NBN: variants seen among roughly 807,000 people sequenced by gnomAD.
The protein encoded by NBN is nibrin.
NBN carries 88 observed loss-of-function variants against 90.8 expected under a neutral mutation model. The observed-to-expected ratio is 0.97, with a 90% CI of 0.82 to 1.16. The LOEUF (loss-of-function observed/expected upper bound fraction) is 1.16. Among genes scored for constraint, NBN ranks in the 50% most tolerant of loss-of-function variants. NBN has a pLI of 0.00. For synonymous variants in NBN, 328 were observed against 295.1 expected, an observed-to-expected ratio of 1.11 and a Z score of -1.14; for missense variants, 894 against 869.6, an observed-to-expected ratio of 1.03 and a Z score of -0.35.
At chr8:89,981,883 G>A (rs534107420) in intron 2 of NBN, 1 of 721,268 alleles carries the variant, frequency 1.4e-6, no homozygotes, top group East Asian at 5.3e-5. Flanking sequence ...TTGTTTTACA[G>A]TATCAAAACC....
chr8:89,958,115 T>C (rs1408246937), intron 9 of NBN, among the ~76,000 whole-genome samples: 1 of 152,132 alleles, frequency 6.6e-6, no homozygotes, highest in Non-Finnish European at 1.5e-5. Context: ...ATAGGGTTTG[T>C]GCTCCTATGA....
intron 8 of NBN, 148 bp downstream of exon 8, chr8:89,964,262 T>C (rs1811134078): frequency 4.6e-6 from 4 of 866,152 alleles, no homozygotes; most frequent in Non-Finnish European, 7.2e-6. Flanking sequence ...CAAATATTTA[T>C]GGAATGAATA....
intron 5 of NBN, among the ~76,000 whole-genome samples, chr8:89,977,502 CT>C (rs1199023090): frequency 6.6e-6 from 1 of 152,110 alleles, no homozygotes; most frequent in African/African-American, 2.4e-5. Flanking sequence ...GGTTCCAAGT[CT>C]TTGCTGTTGT....
At chr8:89,984,165 A>C (rs1586115049) in intron 1 of NBN, 1 of 421,874 alleles carries the variant, frequency 2.4e-6, no homozygotes, top group Non-Finnish European at 4.4e-6. Flanking sequence ...GCCCATGCTA[A>C]CTTCCTGCCG....
chr8:89,936,806 A>G (rs1214984561), intron 15 of NBN, among the ~76,000 whole-genome samples: 2 of 152,208 alleles, frequency 1.3e-5, no homozygotes, highest in African/African-American at 4.8e-5. Context: ...GAATGCCCCC[A>G]TACAAATTTT....
rs962525924 is a variant in NBN at position 89,933,599 on chromosome 8, T to G, written c.*1983A>C. The G allele has an allele frequency of 8.6e-6, 2 of 232,152 alleles. No individual in the cohort carries two copies. Among genetic ancestry groups the G allele is most frequent in the Non-Finnish European group, 1.7e-5 (2 of 117,430 alleles). The allele number at this position is 232,152 out of a possible 1,614,324, so 14.4% of individuals were successfully genotyped here. ...CTTGTATGGGGGAAAAAAAGAACCC[T>G]GATCCATAATTCACAACATACATAT... On this transcript the variant is annotated 3_prime_UTR_variant, in exon 16 of 16. Transcript: ENST00000265433.
Position 89,935,023 on chromosome 8 carries a change from A to G in NBN, c.*559T>C, listed in dbSNP as rs1586020013. ...CCACTGAAGCCATTTTGTTTGGATC[A>G]CCAGAGTTTAGGTAAGACTACAGCA... is the stretch of plus-strand genomic sequence containing the variant. On this transcript the variant is annotated 3_prime_UTR_variant, in exon 16 of 16. Coordinates refer to ENST00000265433, the MANE Select transcript of NBN (RefSeq NM_002485.5). 3.4e-5 allele frequency: 8 copies of G among 233,168 alleles called. No homozygotes were observed. In the East Asian group the frequency reaches 4.9e-4, roughly 14 times the overall value. 14.4% of individuals were successfully genotyped at this position (233,168 alleles called of 1,614,324 possible).
chr8:89,940,480 T>G (rs901952418), intron 14 of NBN, among the ~76,000 whole-genome samples: 4 of 152,116 alleles, frequency 2.6e-5, no homozygotes, highest in Non-Finnish European at 4.4e-5. Context: ...TATACTGAAT[T>G]TCTGTCTCAC....
intron 13 of NBN, among the ~76,000 whole-genome samples, chr8:89,944,827 T>C (rs1188328624): frequency 6.6e-6 from 1 of 152,160 alleles, no homozygotes; most frequent in Non-Finnish European, 1.5e-5. Context: ...GCCATCCACC[T>C]GCCTTGGCCT....
intron 8 of NBN, among the ~76,000 whole-genome samples, chr8:89,960,585 A>G (rs142754370): frequency 2.8e-3 from 433 of 152,224 alleles, no homozygotes; most frequent in African/African-American, 1.0e-2. Flanking sequence ...CGAGGAGTTC[A>G]AGGCTGCGTG....
rs1043014370 is a variant in NBN at position 89,979,883 on chromosome 8, G to A, written c.480+851C>T. ...TGTATTTCACACCAACCAAGCTAGTGTATGATTACTTACTCTATTTCTTAA... is the reference window on the plus strand; with the variant it reads ...TGTATTTCACACCAACCAAGCTAGTATATGATTACTTACTCTATTTCTTAA... On this transcript the variant is annotated intron_variant, in intron 4 of 15. Transcript: ENST00000265433. 3.9e-5 allele frequency among the ~76,000 whole-genome samples: 6 copies of A among 152,142 alleles called. No individual in the cohort carries two copies. In the East Asian group the frequency reaches 9.6e-4, roughly 24 times the overall value.
At chr8:89,969,583 AATAAAG>A (rs1222021100) in intron 7 of NBN, among the ~76,000 whole-genome samples, 1 of 152,244 alleles carries the variant, frequency 6.6e-6, no homozygotes, top group Non-Finnish European at 1.5e-5. Flanking sequence ...AACTGTCATG[AATAAAG>A]ATATTCTATA....
At chr8:89,962,471 G>C (rs934646050) in intron 8 of NBN, among the ~76,000 whole-genome samples, 3 of 152,162 alleles carry the variant, frequency 2.0e-5, no homozygotes, top group Admixed American at 1.3e-4. Context: ...AGTTCTAAAA[G>C]TTGAGCATAT....
chr8:89,983,309 G>A (rs1379859150), intron 1 of NBN, among the ~76,000 whole-genome samples: 1 of 152,032 alleles, frequency 6.6e-6, no homozygotes, highest in Non-Finnish European at 1.5e-5. Context: ...GCTCAAGCCT[G>A]TAATCCCAGC....
intron 8 of NBN, among the ~76,000 whole-genome samples, chr8:89,963,656 G>A (rs1811104897): frequency 1.3e-5 from 2 of 152,260 alleles, no homozygotes; most frequent in Middle Eastern, 3.4e-3. Flanking sequence ...GATTAACACT[G>A]AGATTATTAT....
At chr8:89,961,478 T>G (rs889619806) in intron 8 of NBN, among the ~76,000 whole-genome samples, 1 of 152,086 alleles carries the variant, frequency 6.6e-6, no homozygotes, top group Non-Finnish European at 1.5e-5. Context: ...AACAGAATAA[T>G]TACATCTGAC....
chr8:89,958,265 G>T (rs1199652307), intron 9 of NBN, among the ~76,000 whole-genome samples: 1 of 152,212 alleles, frequency 6.6e-6, no homozygotes, highest in African/African-American at 2.4e-5. Context: ...TTCCTAACAG[G>T]TGATGGACTG....
Position 89,971,300 on chromosome 8 carries a change from T to C in NBN, c.585-10A>G, listed in dbSNP as rs2129840066. 6.2e-7 allele frequency: 1 copy of C among 1,603,448 alleles called. No homozygotes were observed. The highest frequency in any genetic ancestry group is 8.5e-7 in the Non-Finnish European group (1 of 1,172,862). ...AAGAGGTGGGTAAAAACTGTAAAAA[T>C]AATTAAAGTATATTCTAATTATATA... On this transcript the variant is annotated splice_polypyrimidine_tract_variant and intron_variant, in intron 5 of 15. Coordinates refer to ENST00000265433, the MANE Select transcript of NBN (RefSeq NM_002485.5).
intron 8 of NBN, among the ~76,000 whole-genome samples, chr8:89,963,567 A>T (rs908155373): frequency 8.5e-5 from 13 of 152,218 alleles, no homozygotes; most frequent in East Asian, 1.9e-4. Context: ...TTACTAAAAA[A>T]TTTTTTTAAA....
Sources: gnomAD v4.1 joint callset for allele counts (sites outside exome capture counted in the v4.1 genomes callset) on GRCh38, gnomAD v4.1.1 for gene constraint, MANE v1.5 for transcripts, NCBI Gene and HGNC (gene_info 2026-07-23, HGNC 2026-07-21) for gene names.